Variants in LRRK1 observed in about 807,000 individuals in gnomAD.
LRRK1 encodes the protein leucine rich repeat kinase 1.
Under a neutral mutation model 209.1 loss-of-function variants are expected in LRRK1, and 113 were observed. The ratio of observed to expected loss-of-function variants is 0.54; its 90% CI spans 0.46 to 0.63. LRRK1 has a LOEUF of 0.63. Ranked by LOEUF, LRRK1 falls within the 30% of genes least tolerant of loss-of-function variation. LRRK1 has a pLI of 0.00. For synonymous variants in LRRK1, 1,144 were observed against 1,099.7 expected (o/e 1.04, Z -0.80); for missense variants, 2,284 against 2,632.2 (o/e 0.87, Z 2.89).
intron 6 of LRRK1, among the ~76,000 whole-genome samples, chr15:101,001,323 G>C (rs991149883): frequency 6.6e-6 from 1 of 152,092 alleles, no homozygotes; most frequent in Non-Finnish European, 1.5e-5. Context: ...TGCAGCCATC[G>C]TCTCATCTCT....
chr15:101,062,876 G>A (rs1277686277), intron 31 of LRRK1, among the ~76,000 whole-genome samples, 186 bp downstream of exon 31: 2 of 152,174 alleles, frequency 1.3e-5, no homozygotes, highest in South Asian at 2.1e-4. Flanking sequence ...CTTCCGGTTT[G>A]CAAAAACCTA....
At chr15:101,002,668 G>A (rs991097580) in intron 6 of LRRK1, among the ~76,000 whole-genome samples, 6 of 152,206 alleles carry the variant, frequency 3.9e-5, no homozygotes, top group Non-Finnish European at 7.3e-5. Context: ...AAATAATGAG[G>A]GCTAATGAGG....
intron 2 of LRRK1, among the ~76,000 whole-genome samples, chr15:100,947,185 C>G (rs1223366334): frequency 2.6e-5 from 4 of 152,160 alleles, no homozygotes; most frequent in African/African-American, 9.6e-5. Flanking sequence ...TCTCCATCTC[C>G]TGACCTCGTG....
Position 101,027,671 on chromosome 15 carries a change from G to T in LRRK1, c.2560G>T (p.Val854Leu), listed in dbSNP as rs368404584. The T allele has an allele frequency of 6.2e-7, 1 of 1,613,152 alleles. No homozygotes were observed. Among genetic ancestry groups the T allele is most frequent in the Non-Finnish European group, 8.5e-7 (1 of 1,179,706 alleles). Reference protein sequence around the residue: ...PRSYLSLQEAVLAEQQRRSRD... With the variant: ...PRSYLSLQEALLAEQQRRSRD... ...GAGCTACCTGAGCCTGCAGGAGGCC[G>T]TGCTGGCAGAGCAGCAGCGCCGCAG... The change falls in exon 19 of 34, where the codon GTG becomes TTG. Residue 854 changes from valine (V) to leucine (L), a missense_variant. By Grantham distance (32) the Val-to-Leu change is conservative. Transcript: ENST00000388948. The surrounding 1 kb of genome is among the most constrained non-coding windows in gnomAD (Gnocchi z 5.1).
intron 29 of LRRK1, 122 bp downstream of exon 29, chr15:101,058,263 C>A: frequency 1.1e-6 from 1 of 917,472 alleles, no homozygotes; most frequent in Non-Finnish European, 1.6e-6. Flanking sequence ...GGGTCCAGAA[C>A]CTGGTTAGAC....
chr15:100,994,716 A>T (rs139629378), intron 6 of LRRK1, among the ~76,000 whole-genome samples: 6 of 152,336 alleles, frequency 3.9e-5, no homozygotes, highest in Admixed American at 1.3e-4. Context: ...GAGCTTCCCC[A>T]AAGCAGGTGG....
In LRRK1 at chr15:101,027,226, G is replaced by T. The variant is rs2034071819; in HGVS notation, c.2406-35G>T. 1 of 1,612,100 alleles carries T rather than the reference G, an allele frequency of 6.2e-7. No homozygotes were observed. Among genetic ancestry groups the T allele is most frequent in the East Asian group, 2.2e-5 (1 of 44,828 alleles). ...AGCAGCAGCGCTTCCTCGGAGTGGG[G>T]CATGATGAGTAAAGACGGGTCTTTT... On this transcript the variant is annotated intron_variant, in intron 17 of 33. Coordinates refer to ENST00000388948, the MANE Select transcript of LRRK1 (RefSeq NM_024652.6). The surrounding 1 kb of genome is among the most constrained non-coding windows in gnomAD (Gnocchi z 5.1).
intron 2 of LRRK1, among the ~76,000 whole-genome samples, chr15:100,962,646 G>A (rs959015881): frequency 1.0e-4 from 15 of 150,612 alleles, no homozygotes; most frequent in African/African-American, 3.4e-4. Context: ...CAGGGAGAGG[G>A]AGGAGAAAAG....
At chr15:100,981,737 T>A (rs924330621) in intron 3 of LRRK1, among the ~76,000 whole-genome samples, 3 of 152,206 alleles carry the variant, frequency 2.0e-5, no homozygotes, top group African/African-American at 7.2e-5. Flanking sequence ...GGCATGACTG[T>A]TAGGAGGATT....
At chr15:101,021,331 T>A in intron 13 of LRRK1, 149 bp downstream of exon 13, 2 of 795,416 alleles carry the variant, frequency 2.5e-6, no homozygotes, top group Admixed American at 5.3e-5. Context: ...GAACAGGGCT[T>A]GATCAAGGAG....
At chr15:101,016,646 C>G (rs768434773) in intron 12 of LRRK1, among the ~76,000 whole-genome samples, 4 of 152,230 alleles carry the variant, frequency 2.6e-5, no homozygotes, top group Non-Finnish European at 4.4e-5. Context: ...ACAGTTCAAT[C>G]CATGGCATAG....
rs188559063 is a variant in LRRK1, at chr15:101,023,542, A to G, written c.2067+945A>G. Among the ~76,000 whole-genome samples the G allele has an allele frequency of 5.9e-5, 9 of 152,298 alleles. No homozygotes were observed. The East Asian group carries it at 9.6e-4, about 16-fold the overall frequency. ...CACATAGATAAGGCCATCCTCATCA[A>G]CTGTATTTGGATTTCTGCCACCCTG... is the stretch of plus-strand genomic sequence containing the variant. On this transcript the variant is annotated intron_variant, in intron 15 of 33. Coordinates refer to ENST00000388948, the MANE Select transcript of LRRK1 (RefSeq NM_024652.6).
At chr15:101,044,188 CT>C (rs2034923438) in intron 20 of LRRK1, 1 of 152,356 alleles carries the variant, frequency 6.6e-6, no homozygotes, top group Non-Finnish European at 1.5e-5. Context: ...GGTTTCCCAC[CT>C]GCAGTGAACC....
chr15:100,994,749 T>G (rs764951960), intron 6 of LRRK1, among the ~76,000 whole-genome samples: 1 of 152,116 alleles, frequency 6.6e-6, no homozygotes, highest in East Asian at 1.9e-4. Flanking sequence ...TCAAGTGAAT[T>G]TCAGAGGCAA....
rs181937350 is a variant in LRRK1, at chr15:101,030,406, G to A, written c.2963+1174G>A. Among the ~76,000 whole-genome samples the A allele has an allele frequency of 1.4e-3, 207 of 152,252 alleles. 1 individual carries two copies. Among genetic ancestry groups the A allele is most frequent in the Non-Finnish European group, 2.4e-3 (165 of 68,004 alleles). On this transcript the variant is annotated intron_variant, in intron 20 of 33. Coordinates refer to ENST00000388948, the MANE Select transcript of LRRK1 (RefSeq NM_024652.6). The stretch of plus-strand genomic sequence containing the variant: ...GCAGCTTTGGGGTCCTCCTTGGTCC[G>A]CCAAAGGAAGAATCCTCAGATTTTC...
Position 101,057,571 on chromosome 15 carries a change from G to A in LRRK1, c.4528-419G>A, listed in dbSNP as rs543472736. On this transcript the variant is annotated intron_variant, in intron 28 of 33. Coordinates refer to ENST00000388948, the MANE Select transcript of LRRK1 (RefSeq NM_024652.6). ...TTTAGAAGAACGCATGTCCTTATCT[G>A]GGCATGGTGACATGGACTTATAGTC... 1.5e-4 allele frequency among the ~76,000 whole-genome samples: 23 copies of A among 152,316 alleles called. No individual in the cohort carries two copies. The East Asian group carries it at 3.3e-3, about 22-fold the overall frequency.
chr15:101,021,892 A>C lies in LRRK1; in HGVS notation c.1787A>C (p.Asn596Thr). Residue 596 changes from asparagine to threonine, a missense_variant, in exon 14 of 34, where the codon AAC (asparagine) becomes ACC (threonine). Asn to Thr is a moderately conservative substitution (Grantham distance 65, BLOSUM62 0). Around this residue, in one of 6 missense-constraint regions of LRRK1, gnomAD observed 494 missense variants for 522.1 expected, o/e 0.95. Coordinates refer to ENST00000388948, the MANE Select transcript of LRRK1 (RefSeq NM_024652.6). ...CCTCCTGAGCTGGGGCAGCTGGGCA[A>C]CCTCTGGCAGCTGGACACTGAAGAC... is the stretch of plus-strand genomic sequence containing the variant. ...ELPPELGQLGNLWQLDTEDLT... is the reference protein window; with the variant it reads ...ELPPELGQLGTLWQLDTEDLT... 6.2e-7 allele frequency: 1 copy of C among 1,613,854 alleles called. No homozygotes were observed. Among genetic ancestry groups the C allele is most frequent in the Non-Finnish European group, 8.5e-7 (1 of 1,179,968 alleles).
chr15:100,993,501 A>T (rs2032261511), intron 6 of LRRK1, among the ~76,000 whole-genome samples: 1 of 152,084 alleles, frequency 6.6e-6, no homozygotes, highest in Non-Finnish European at 1.5e-5. Flanking sequence ...ACTCATCAAT[A>T]CCTATTTTGG....
At chr15:100,922,440 AT>A (rs35943191) in intron 1 of LRRK1, among the ~76,000 whole-genome samples, 27,270 of 148,062 alleles carry the variant, frequency 0.18, 3,069 homozygotes, top group East Asian at 0.42. Flanking sequence ...TAATTTTAAG[AT>A]TTTTTTTTTT....
Sources: allele counts gnomAD v4.1 joint callset (sites outside exome capture counted in the v4.1 genomes callset), GRCh38; gene constraint gnomAD v4.1.1; regional missense constraint gnomAD v4.1.1; non-coding constraint Gnocchi (gnomAD v3.1); transcripts MANE v1.5; gene names NCBI Gene and HGNC (gene_info 2026-07-23, HGNC 2026-07-21).